VAV2: variants seen among roughly 807,000 people sequenced by gnomAD.
VAV2 encodes the protein guanine nucleotide exchange factor VAV2.
Under a neutral mutation model 132.5 loss-of-function variants are expected in VAV2, and 67 were observed. The ratio of observed to expected loss-of-function variants is 0.51; its 90% CI spans 0.42 to 0.62. VAV2 has a LOEUF of 0.62. VAV2 is among the 20% of genes least tolerant of loss of function. VAV2 has a pLI of 0.00. For missense variants in VAV2, 938 were observed against 1,153.6 expected, an observed-to-expected ratio of 0.81 and a Z score of 2.71; for synonymous variants, 492 against 443.5, an observed-to-expected ratio of 1.11 and a Z score of -1.37.
intron 2 of VAV2, among the ~76,000 whole-genome samples, chr9:133,891,054 G>A (rs1015398672): frequency 6.6e-6 from 1 of 151,816 alleles, no homozygotes; most frequent in African/African-American, 2.4e-5. Flanking sequence ...AGGTAGAGGA[G>A]TGAAAAATGT....
At chr9:133,951,607 G>C (rs948934925) in intron 1 of VAV2, among the ~76,000 whole-genome samples, 3 of 152,080 alleles carry the variant, frequency 2.0e-5, no homozygotes, top group Admixed American at 2.0e-4. Flanking sequence ...CCCGGGACCT[G>C]CCCTTCACCT....
In VAV2 at chr9:133,861,384, T is replaced by G; in HGVS notation, c.370A>C (p.Lys124Gln). 6.2e-7 allele frequency: 1 copy of G among 1,613,018 alleles called. No homozygotes were observed. Reference sequence around the variant, plus strand: ...CTCCGGAGAGCTCACCTGATCCCTTTGTTCTGCGCGATGCTGTGCAGGGAG... The same window carrying G: ...CTCCGGAGAGCTCACCTGATCCCTTGGTTCTGCGCGATGCTGTGCAGGGAG... ...RLSLHSIAQN[K>Q]GIRPFPSEET... is the part of the protein sequence containing the mutation. The change falls in exon 3 of 30, where the codon AAA becomes CAA. Residue 124 changes from lysine to glutamine, a missense_variant. Coordinates refer to ENST00000371850, the MANE Select transcript of VAV2 (RefSeq NM_001134398.2).
intron 2 of VAV2, among the ~76,000 whole-genome samples, chr9:133,924,625 C>G (rs111269646): frequency 6.6e-6 from 1 of 152,220 alleles, no homozygotes; most frequent in Admixed American, 6.5e-5. Flanking sequence ...AAGAACACGT[C>G]CACTAGGAGG....
intron 1 of VAV2, among the ~76,000 whole-genome samples, chr9:133,940,263 C>T (rs970451102): frequency 2.0e-5 from 3 of 152,148 alleles, no homozygotes; most frequent in Non-Finnish European, 4.4e-5. Flanking sequence ...CAGCTCAGCA[C>T]GGGGATTCGC....
chr9:133,818,331 A>G (rs1396986713), intron 4 of VAV2, among the ~76,000 whole-genome samples: 1 of 147,594 alleles, frequency 6.8e-6, no homozygotes, highest in East Asian at 2.0e-4. Flanking sequence ...GCGCCACTGC[A>G]CTCCAGCCTG....
chr9:133,813,357 C>T (rs115529951), intron 4 of VAV2, among the ~76,000 whole-genome samples: 2,056 of 152,320 alleles, frequency 0.013, 33 homozygotes, highest in African/African-American at 0.047. Flanking sequence ...GCAATCCCTG[C>T]GGTACTCAGG....
At chr9:133,845,426 C>A (rs1267824014) in intron 3 of VAV2, among the ~76,000 whole-genome samples, 2 of 152,218 alleles carry the variant, frequency 1.3e-5, no homozygotes, top group Non-Finnish European at 2.9e-5. Context: ...GAATGGGGGG[C>A]CGCACTGGGG....
At chr9:133,930,841 C>A (rs952022960) in intron 2 of VAV2, among the ~76,000 whole-genome samples, 7 of 152,200 alleles carry the variant, frequency 4.6e-5, no homozygotes, top group Non-Finnish European at 1.0e-4. Context: ...GCTGGCACTT[C>A]AGAATCTGTA....
chr9:133,912,682 C>T lies in VAV2; in HGVS notation c.321+26421G>A, dbSNP rs1839925610. ...CCCGAGGCGCTCCCAAGCTGTCAGG[C>T]AGCCATCCTCAGGGGCTGCAGTCAC... On this transcript the variant is annotated intron_variant, in intron 2 of 29. Transcript: ENST00000371850. The surrounding 1 kb of genome is among the most constrained non-coding windows in gnomAD (Gnocchi z 4.3). Among the ~76,000 whole-genome samples the T allele has an allele frequency of 6.6e-6, 1 of 152,152 alleles. No individual in the cohort carries two copies. Among genetic ancestry groups the T allele is most frequent in the Admixed American group, 6.5e-5 (1 of 15,272 alleles).
intron 2 of VAV2, among the ~76,000 whole-genome samples, chr9:133,924,238 C>G (rs1207438007): frequency 1.3e-5 from 2 of 152,078 alleles, no homozygotes; most frequent in African/African-American, 4.8e-5. Context: ...GCTGGAAGTG[C>G]AGTGGTATAT....
intron 1 of VAV2, among the ~76,000 whole-genome samples, chr9:133,958,657 G>A (rs531971538): frequency 6.6e-6 from 1 of 151,728 alleles, no homozygotes; most frequent in African/African-American, 2.4e-5. Context: ...TCTATACTTT[G>A]TATCTGTGTC....
At chr9:133,930,163 C>T (rs1840627449) in intron 2 of VAV2, among the ~76,000 whole-genome samples, 1 of 152,228 alleles carries the variant, frequency 6.6e-6, no homozygotes, top group Middle Eastern at 3.2e-3. Context: ...CCTCCAGGGT[C>T]AGGCCTTTTA....
At chr9:133,944,378 G>C (rs1215289529) in intron 1 of VAV2, among the ~76,000 whole-genome samples, 1 of 152,230 alleles carries the variant, frequency 6.6e-6, no homozygotes, top group Non-Finnish European at 1.5e-5. Context: ...CTAAGCCGGG[G>C]GAGGCAAATC....
chr9:133,876,878 G>C (rs1838286313), intron 2 of VAV2, among the ~76,000 whole-genome samples: 1 of 152,170 alleles, frequency 6.6e-6, no homozygotes, highest in Non-Finnish European at 1.5e-5. Context: ...GACACAGAAA[G>C]GGCTGGCCTG....
At position 133,918,146 on chromosome 9, in the gene VAV2, C is replaced by T. The variant is rs1020039873; in HGVS notation, c.321+20957G>A. On this transcript the variant is annotated intron_variant, in intron 2 of 29. Transcript: ENST00000371850. This position sits in a 1 kb window ranked among gnomAD's most constrained non-coding sequence, Gnocchi z 4.7. Reference sequence around the variant, plus strand: ...TGCCCACAGTATTAGGACAGCTCTCCTTTTCCACTTGAAAGGCATCTCAGG... The same window carrying T: ...TGCCCACAGTATTAGGACAGCTCTCTTTTTCCACTTGAAAGGCATCTCAGG... 2.5e-4 allele frequency among the ~76,000 whole-genome samples: 38 copies of T among 152,196 alleles called. No individual in the cohort carries two copies. The highest frequency in any genetic ancestry group is 9.2e-4 in the African/African-American group (38 of 41,442).
intron 2 of VAV2, among the ~76,000 whole-genome samples, chr9:133,911,224 G>A (rs994063363): frequency 2.0e-5 from 3 of 152,214 alleles, no homozygotes; most frequent in Non-Finnish European, 2.9e-5. Flanking sequence ...CACTAAGCAA[G>A]TCCCACCAGG....
intron 24 of VAV2, among the ~76,000 whole-genome samples, chr9:133,775,418 T>A (rs940928706): frequency 6.6e-6 from 1 of 152,244 alleles, no homozygotes; most frequent in South Asian, 2.1e-4. Context: ...TCCTAAAATA[T>A]ATTTTCACTA....
chr9:133,780,624 TTCTGGCTCTGCGCACACAGGGA>T (rs56305812), intron 20 of VAV2, 48 bp downstream of exon 20: 55,325 of 1,294,598 alleles, frequency 0.043, 1,408 homozygotes, highest in Non-Finnish European at 0.049. Context: ...AATTGGGTCT[TTCTGGCTCTGCGCACACAGGGA>T]TGTGGCGGGG....
At chr9:133,807,417 C>A in intron 7 of VAV2, 91 bp from the exon 8 acceptor site, 1 of 1,347,396 alleles carries the variant, frequency 7.4e-7, no homozygotes, top group East Asian at 2.6e-5. Context: ...AGGGCAGCTC[C>A]GAGGCAGGCA....
Sources: allele counts gnomAD v4.1 joint callset (sites outside exome capture counted in the v4.1 genomes callset), GRCh38; gene constraint gnomAD v4.1.1; non-coding constraint Gnocchi (gnomAD v3.1); transcripts MANE v1.5; gene names NCBI Gene and HGNC (gene_info 2026-07-23, HGNC 2026-07-21).